CNTN5: variants seen among roughly 807,000 people sequenced by gnomAD.
The protein encoded by CNTN5 is contactin 5, also known as contactin-5.
CNTN5 carries 77 observed loss-of-function variants against 129.1 expected under a neutral mutation model. That is an observed-to-expected ratio of 0.60 (90% confidence interval 0.50 to 0.72). The LOEUF (loss-of-function observed/expected upper bound fraction) is 0.72, where lower values mean the gene tolerates loss of function less well. Ranked by LOEUF, CNTN5 falls within the 30% of genes least tolerant of loss-of-function variation. The pLI is 0.00. For synonymous variants in CNTN5, 509 were observed against 465.6 expected (o/e 1.09, Z -1.20); for missense variants, 1,478 against 1,328.8 (o/e 1.11, Z -1.75).
intron 2 of CNTN5, among the ~76,000 whole-genome samples, chr11:99,386,813 T>A (rs1940952786): frequency 6.6e-6 from 1 of 152,144 alleles, no homozygotes; most frequent in Non-Finnish European, 1.5e-5. Flanking sequence ...GAGCCAGATA[T>A]AGGGAAACAG....
chr11:99,185,214 G>A (rs147171534), intron 1 of CNTN5, among the ~76,000 whole-genome samples: 3 of 151,734 alleles, frequency 2.0e-5, no homozygotes, highest in Non-Finnish European at 4.4e-5. Context: ...TGTAGAGAGG[G>A]TGAGCATAGG....
intron 3 of CNTN5, among the ~76,000 whole-genome samples, chr11:99,757,168 A>G (rs1944431146): frequency 6.6e-6 from 1 of 152,038 alleles, no homozygotes. Flanking sequence ...TGGTATTGTC[A>G]ACAATCCATG....
At chr11:100,096,500 C>A (rs752393582) in intron 13 of CNTN5, among the ~76,000 whole-genome samples, 26 of 149,778 alleles carry the variant, frequency 1.7e-4, no homozygotes, top group Non-Finnish European at 3.4e-4. Flanking sequence ...GATACCTGAT[C>A]TCCCTCCCAC....
intron 7 of CNTN5, among the ~76,000 whole-genome samples, chr11:99,916,884 G>T (rs139978144): frequency 6.6e-6 from 1 of 152,218 alleles, no homozygotes; most frequent in African/African-American, 2.4e-5. Context: ...GCACAAGGAA[G>T]AACCAAGGAA....
chr11:99,946,474 G>A (rs914921718), intron 7 of CNTN5, among the ~76,000 whole-genome samples: 13 of 152,030 alleles, frequency 8.6e-5, no homozygotes, highest in Non-Finnish European at 1.6e-4. Flanking sequence ...ATTTTAAATA[G>A]TCAATCTCTG....
rs1235714640 is a variant in CNTN5 at position 100,118,781 on chromosome 11, C to T, written c.1580+44487C>T. On this transcript the variant is annotated intron_variant, in intron 13 of 24. Transcript: ENST00000524871. ...AATGTGTTTTCTCTTTTCAAGAATA[C>T]CCATCTTTTTAAATTTTTTATGTAT... Among the ~76,000 whole-genome samples the T allele has an allele frequency of 6.6e-5, 10 of 151,854 alleles. No homozygotes were observed. In the East Asian group the frequency reaches 1.5e-3, roughly 24 times the overall value.
intron 13 of CNTN5, among the ~76,000 whole-genome samples, chr11:100,138,546 A>G (rs1446209617): frequency 6.6e-6 from 1 of 152,098 alleles, no homozygotes; most frequent in Non-Finnish European, 1.5e-5. Context: ...ATATAATACA[A>G]TCAGAAAAGG....
At chr11:100,076,024 A>T (rs1037087375) in intron 13 of CNTN5, among the ~76,000 whole-genome samples, 3 of 152,082 alleles carry the variant, frequency 2.0e-5, no homozygotes, top group Admixed American at 6.6e-5. Context: ...GCAAATGACA[A>T]ATTGTGAGAT....
In CNTN5 at chr11:100,132,906, T is replaced by A. The variant is rs1235301720; in HGVS notation, c.1581-58220T>A. Among the ~76,000 whole-genome samples, 4 of 152,148 alleles carry A rather than the reference T, an allele frequency of 2.6e-5. No individual in the cohort carries two copies. The East Asian group carries it at 5.8e-4, about 22-fold the overall frequency. On this transcript the variant is annotated intron_variant, in intron 13 of 24. Coordinates refer to ENST00000524871, the MANE Select transcript of CNTN5 (RefSeq NM_014361.4). ...ATATAGCAAAACTAGTGTTTTTGAA[T>A]TATGATTTGCAAATAAAAAGGCAAC...
intron 13 of CNTN5, among the ~76,000 whole-genome samples, chr11:100,111,309 A>T (rs75374024): frequency 1.7e-3 from 263 of 152,290 alleles, no homozygotes; most frequent in African/African-American, 6.0e-3. Context: ...CACTTTAGAC[A>T]GTGAAAAAAT....
chr11:99,620,943 T>G (rs904052332), intron 3 of CNTN5, among the ~76,000 whole-genome samples: 2 of 151,792 alleles, frequency 1.3e-5, no homozygotes, highest in Non-Finnish European at 2.9e-5. Context: ...CTTTACATTT[T>G]CTAATAAAAT....
chr11:99,792,563 G>GTT (rs1565538249), intron 3 of CNTN5, among the ~76,000 whole-genome samples: 1 of 123,618 alleles, frequency 8.1e-6, no homozygotes, highest in African/African-American at 3.1e-5. Flanking sequence ...GTGTGTGTGT[G>GTT]TGTGTGTGTG....
chr11:100,258,636 A>G (rs1440501875), intron 17 of CNTN5, among the ~76,000 whole-genome samples: 1 of 152,154 alleles, frequency 6.6e-6, no homozygotes, highest in Non-Finnish European at 1.5e-5. Context: ...CCAACATTCA[A>G]CATTCAACAT....
rs184200247 is a variant in CNTN5 at position 100,205,135 on chromosome 11, A to G, written c.1884+11472A>G. ...GTATTGTGTTTTTAGATTGACTCCTATGTTATTTCTCAAAGTGATTTTCAA... is the reference window on the plus strand; with the variant it reads ...GTATTGTGTTTTTAGATTGACTCCTGTGTTATTTCTCAAAGTGATTTTCAA... On this transcript the variant is annotated intron_variant, in intron 15 of 24. Transcript: ENST00000524871. Among the ~76,000 whole-genome samples, 337 of 152,120 alleles carry G rather than the reference A, an allele frequency of 2.2e-3. 1 individual carries two copies. The highest frequency in any genetic ancestry group is 0.015 in the South Asian group (70 of 4,824).
chr11:99,556,486 T>C (rs1284475089), intron 3 of CNTN5, among the ~76,000 whole-genome samples: 3 of 144,436 alleles, frequency 2.1e-5, no homozygotes, highest in Non-Finnish European at 4.5e-5. Flanking sequence ...TAAATGTTAA[T>C]AAAATGAGTA....
chr11:99,449,797 T>A (rs940108638), intron 2 of CNTN5, among the ~76,000 whole-genome samples: 1 of 152,146 alleles, frequency 6.6e-6, no homozygotes, highest in Non-Finnish European at 1.5e-5. Flanking sequence ...CAAGCGCTTA[T>A]AAAACCTCTA....
chr11:99,205,050 T>A (rs7938511), intron 1 of CNTN5, among the ~76,000 whole-genome samples: 1 of 152,000 alleles, frequency 6.6e-6, no homozygotes, highest in Admixed American at 6.5e-5. Flanking sequence ...AAAAATCTTA[T>A]ATTTATTTTA....
At chr11:99,821,204 A>C (rs927361512) in intron 4 of CNTN5, among the ~76,000 whole-genome samples, 2 of 152,204 alleles carry the variant, frequency 1.3e-5, no homozygotes, top group African/African-American at 2.4e-5. Flanking sequence ...TTTTCAGCCA[A>C]CTAGTGTTCT....
intron 1 of CNTN5, among the ~76,000 whole-genome samples, chr11:99,323,298 C>T (rs192979854): frequency 1.5e-4 from 23 of 152,126 alleles, no homozygotes; most frequent in African/African-American, 4.6e-4. Flanking sequence ...GAAGTAGTCT[C>T]GTCATCACAA....
Sources: allele counts gnomAD v4.1 joint callset (sites outside exome capture counted in the v4.1 genomes callset), GRCh38; gene constraint gnomAD v4.1.1; transcripts MANE v1.5; gene names NCBI Gene and HGNC (gene_info 2026-07-23, HGNC 2026-07-21).